The following KLC1 variants were observed in gnomAD, a reference collection of about 807,000 sequenced individuals.
The protein encoded by KLC1 is kinesin light chain 1, also known as kinesin 2 60/70kDa.
Under a neutral mutation model 84.2 loss-of-function variants are expected in KLC1, and 30 were observed. The ratio of observed to expected loss-of-function variants is 0.36; its 90% CI spans 0.27 to 0.48. The LOEUF (loss-of-function observed/expected upper bound fraction) is 0.48. Among genes scored for constraint, KLC1 ranks in the 20% least tolerant of loss-of-function variants. KLC1 has a pLI of 0.99. For synonymous variants in KLC1, 289 were observed against 293.3 expected (o/e 0.99, Z 0.15); for missense variants, 499 against 805.4 (o/e 0.62, Z 4.60).
chr14:103,634,134 G>A (rs895424275), intron 1 of KLC1, among the ~76,000 whole-genome samples: 3 of 152,164 alleles, frequency 2.0e-5, no homozygotes, highest in African/African-American at 7.2e-5. Flanking sequence ...CTCCCAAAGT[G>A]CTGGGATTAC....
chr14:103,662,951 T>C (rs749357043), intron 5 of KLC1, 24 bp downstream of exon 5: 5 of 1,517,974 alleles, frequency 3.3e-6, no homozygotes, highest in South Asian at 1.2e-5. Context: ...GTTTACCTAC[T>C]GAATTTTACC....
At position 103,695,906 on chromosome 14, in the gene KLC1, C is replaced by T. The variant is rs75188057; in HGVS notation, c.1848+3481C>T. ...TACCTGAGTCCCCGATGTTTGAACC[C>T]TTCCACCCAATAGAAGTGCGGTGAT... is the stretch of plus-strand genomic sequence containing the variant. On this transcript the variant is annotated intron_variant, in intron 15 of 16. Coordinates refer to ENST00000334553, the MANE Select transcript of KLC1 (RefSeq NM_001394837.1). 3.7e-3 allele frequency: 3,611 copies of T among 985,348 alleles called. 104 individuals are homozygous for T. In the African/African-American group the frequency reaches 0.058, roughly 16 times the overall value. The allele number at this position is 985,348 out of a possible 1,614,324, so 61.0% of individuals were successfully genotyped here.
intron 15 of KLC1, chr14:103,699,534 G>C: frequency 6.2e-7 from 1 of 1,613,542 alleles, no homozygotes; most frequent in Non-Finnish European, 8.5e-7. Context: ...CCCCGAGACA[G>C]CAGTACGGGG....
At chr14:103,673,577 C>A (rs531285006) in intron 9 of KLC1, 146 bp downstream of exon 9, 12 of 579,902 alleles carry the variant, frequency 2.1e-5, no homozygotes, top group Non-Finnish European at 3.3e-5. Context: ...GATTTCACTT[C>A]ACTTTCACAG....
intron 2 of KLC1, 131 bp downstream of exon 2, chr14:103,654,956 G>A (rs2078718835): frequency 1.0e-5 from 11 of 1,050,120 alleles, no homozygotes; most frequent in South Asian, 8.4e-5. Context: ...CGAGTGCGGT[G>A]TGGCTCAGGC....
chr14:103,637,227 C>A (rs2077114235), intron 1 of KLC1, among the ~76,000 whole-genome samples: 1 of 151,968 alleles, frequency 6.6e-6, no homozygotes, highest in South Asian at 2.1e-4. Flanking sequence ...CATGCTCTGG[C>A]AAGTTTTATT....
intron 7 of KLC1, 133 bp downstream of exon 7, chr14:103,670,416 A>G: frequency 1.8e-6 from 1 of 550,104 alleles, no homozygotes; most frequent in South Asian, 2.1e-5. Flanking sequence ...GGCTCACTGC[A>G]ACCCCCACCT....
intron 1 of KLC1, among the ~76,000 whole-genome samples, chr14:103,630,846 G>C (rs978195014): frequency 1.3e-5 from 2 of 152,206 alleles, no homozygotes; most frequent in African/African-American, 4.8e-5. Flanking sequence ...AAAGAATGCA[G>C]CATCATGTTG....
At chr14:103,666,197 G>A (rs2079787967) in intron 5 of KLC1, among the ~76,000 whole-genome samples, 1 of 151,978 alleles carries the variant, frequency 6.6e-6, no homozygotes, top group African/African-American at 2.4e-5. Context: ...CCGAGTAGCT[G>A]GGACTACAGG....
At chr14:103,658,882 C>T (rs961439937) in intron 3 of KLC1, among the ~76,000 whole-genome samples, 1 of 151,944 alleles carries the variant, frequency 6.6e-6, no homozygotes, top group African/African-American at 2.4e-5. Flanking sequence ...TGGTCTTGAT[C>T]TCCTGACCTT....
At chr14:103,672,272 CAT>C (rs1204309866) in intron 7 of KLC1, among the ~76,000 whole-genome samples, 2 of 152,276 alleles carry the variant, frequency 1.3e-5, no homozygotes, top group African/African-American at 4.8e-5. Context: ...CTGAGGACCA[CAT>C]GTGTAAAGGC....
At position 103,669,597 on chromosome 14, in the gene KLC1, C is replaced by T; in HGVS notation, c.884C>T (p.Ala295Val). 1 of 1,581,336 alleles carries T rather than the reference C, an allele frequency of 6.3e-7. No individual in the cohort carries two copies. The highest frequency in any genetic ancestry group is 8.7e-7 in the Non-Finnish European group (1 of 1,150,404). ...AAAACTTTGGGCAAAGATCATCCTG[C>T]GGTTTGTATATCCAGTTCTTTCATT... ...REKTLGKDHP[A>V]VAATLNNLAV... The change falls in exon 6 of 17, where the codon GCG (alanine) becomes GTG (valine). Residue 295 changes from alanine (A) to valine (V), a missense_variant and splice_region_variant. Around this residue, in one of 3 missense-constraint regions of KLC1, gnomAD observed 153 missense variants for 332.4 expected, o/e 0.46. Transcript: ENST00000334553.
chr14:103,637,628 A>G (rs775744576), intron 1 of KLC1, among the ~76,000 whole-genome samples: 1 of 151,996 alleles, frequency 6.6e-6, no homozygotes, highest in Non-Finnish European at 1.5e-5. Flanking sequence ...AAGCATATCT[A>G]TAAATAAGTC....
chr14:103,684,385 G>A (rs1291761993), intron 13 of KLC1, among the ~76,000 whole-genome samples: 1 of 152,192 alleles, frequency 6.6e-6, no homozygotes, highest in African/African-American at 2.4e-5. Context: ...AGTTTCTTAA[G>A]CTGTTAGAAT....
At chr14:103,661,444 G>T (rs2079283726) in intron 3 of KLC1, among the ~76,000 whole-genome samples, 1 of 152,134 alleles carries the variant, frequency 6.6e-6, no homozygotes, top group South Asian at 2.1e-4. Context: ...CTAATGCCTG[G>T]ATTATGCATC....
chr14:103,699,083 G>C, intron 15 of KLC1: 1 of 1,564,882 alleles, frequency 6.4e-7, no homozygotes, highest in Non-Finnish European at 8.7e-7. Context: ...CGGCCCAGCT[G>C]TGCCCCTGGC....
chr14:103,691,459 T>C (rs796106087), intron 14 of KLC1, among the ~76,000 whole-genome samples: 8 of 8,806 alleles, frequency 9.1e-4, no homozygotes, highest in African/African-American at 1.6e-3. Context: ...CACGCCTGGC[T>C]TTTTTTTTTT....
Position 103,683,359 on chromosome 14 carries a change from A to G in KLC1, c.1651-3722A>G, listed in dbSNP as rs1227294058. On this transcript the variant is annotated intron_variant, in intron 13 of 16. Coordinates refer to ENST00000334553, the MANE Select transcript of KLC1 (RefSeq NM_001394837.1). ...ACCTCTGTGACCTCATTTTCGTGTG[A>G]CACATGCAGATCTGGAAGCCGCCGT... 3 of 152,200 alleles carry G rather than the reference A, an allele frequency of 2.0e-5. No individual in the cohort carries two copies. In the East Asian group the frequency reaches 5.8e-4, roughly 29 times the overall value. 9.4% of individuals were successfully genotyped at this position (152,200 alleles called of 1,614,324 possible).
At chr14:103,684,730 G>T (rs975355624) in intron 13 of KLC1, 2 of 472,122 alleles carry the variant, frequency 4.2e-6, no homozygotes, top group African/African-American at 2.0e-5. Flanking sequence ...ACGCGTGTGT[G>T]TGTGTGTCAC....
Sources: gnomAD v4.1 joint callset for allele counts (sites outside exome capture counted in the v4.1 genomes callset) on GRCh38, gnomAD v4.1.1 for gene constraint, gnomAD v4.1.1 regional missense constraint, MANE v1.5 for transcripts, NCBI Gene and HGNC (gene_info 2026-07-23, HGNC 2026-07-21) for gene names.